Variants in PPP2R2D observed in about 807,000 individuals in gnomAD.
PPP2R2D encodes the protein protein phosphatase 2 regulatory subunit Bdelta, also known as serine/threonine-protein phosphatase 2A 55 kDa regulatory subunit B delta isoform.
In PPP2R2D, 9 loss-of-function variants were observed where a neutral mutation model predicts 31.1. The observed-to-expected ratio is 0.29, with a 90% CI of 0.17 to 0.51. PPP2R2D has a LOEUF of 0.51. Among genes scored for constraint, PPP2R2D ranks in the 20% least tolerant of loss-of-function variants. PPP2R2D has a pLI of 0.98. For synonymous variants in PPP2R2D, 179 were observed against 172.6 expected, an observed-to-expected ratio of 1.04 and a Z score of -0.29; for missense variants, 391 against 465.6, an observed-to-expected ratio of 0.84 and a Z score of 1.48.
intron 2 of PPP2R2D, 136 bp downstream of exon 2, chr10:131,901,466 C>G (rs1290802020): frequency 3.1e-6 from 1 of 319,688 alleles, no homozygotes; most frequent in African/African-American, 2.2e-5. Flanking sequence ...GGCCAGGGGC[C>G]GAGCTGGGGG....
chr10:131,927,108 T>C (rs1554895045), intron 2 of PPP2R2D, among the ~76,000 whole-genome samples: 1 of 152,184 alleles, frequency 6.6e-6, no homozygotes, highest in Admixed American at 6.5e-5. Flanking sequence ...AGATTATGGC[T>C]GTTCTCTTTT....
chr10:131,902,076 C>T (rs1422436400), intron 2 of PPP2R2D, among the ~76,000 whole-genome samples: 4 of 152,086 alleles, frequency 2.6e-5, no homozygotes, highest in Non-Finnish European at 5.9e-5. Flanking sequence ...GCCTCCCACC[C>T]CAGCTTCCCA....
chr10:131,946,579 G>C (rs999492810), intron 7 of PPP2R2D, among the ~76,000 whole-genome samples: 2 of 152,228 alleles, frequency 1.3e-5, no homozygotes, highest in African/African-American at 2.4e-5. Context: ...GTGTTTCGTA[G>C]CATTTGGCCT....
In PPP2R2D at chr10:131,901,313, ACGAGGACGTGGC is replaced by A; in HGVS notation, c.87_98del (p.Asp30_Glu33del). 1 of 358,436 alleles carries A rather than the reference ACGAGGACGTGGC, an allele frequency of 2.8e-6. No individual in the cohort carries two copies. The highest frequency in any genetic ancestry group is 5.0e-6 in the Non-Finnish European group (1 of 200,300). The allele number at this position is 358,436 out of a possible 1,614,324, so 22.2% of individuals were successfully genotyped here. The stretch of plus-strand genomic sequence containing the variant: ...TTCTCGCAGGTCAAGGGGGCCATCG[ACGAGGACGTGGC>A]CGAAGGTGAGCCCCGCGCCGCGCCC... On this transcript the variant is annotated inframe_deletion, in exon 2 of 9. Coordinates refer to ENST00000455566, the MANE Select transcript of PPP2R2D (RefSeq NM_018461.5).
chr10:131,955,334 A>G (rs964039479), intron 8 of PPP2R2D, among the ~76,000 whole-genome samples: 9 of 152,216 alleles, frequency 5.9e-5, no homozygotes, highest in African/African-American at 9.7e-5. Flanking sequence ...GTCATTATGG[A>G]TCATTGACAA....
chr10:131,956,587 G>C lies in PPP2R2D; in HGVS notation c.*624G>C. On this transcript the variant is annotated 3_prime_UTR_variant, in exon 9 of 9. Transcript: ENST00000455566. ...TCTTTTTATTTAATTTTATTGCATA[G>C]AATGAAGTTATGCAGGGTTCTTCTT... is the stretch of plus-strand genomic sequence containing the variant. The C allele has an allele frequency of 6.1e-6, 6 of 977,232 alleles. No individual in the cohort carries two copies. Among genetic ancestry groups the C allele is most frequent in the Non-Finnish European group, 7.3e-6 (6 of 822,454 alleles). 60.5% of individuals were successfully genotyped at this position (977,232 alleles called of 1,614,324 possible).
chr10:131,947,735 C>T lies in PPP2R2D; in HGVS notation c.1026C>T (p.Leu342=), dbSNP rs782274738. The T allele has an allele frequency of 1.2e-6, 2 of 1,614,200 alleles. No individual in the cohort carries two copies. Among genetic ancestry groups the T allele is most frequent in the South Asian group, 1.1e-5 (1 of 91,068 alleles). The change falls in exon 8 of 9, where the codon CTC becomes CTT. Residue 342 remains leucine, a synonymous_variant. Coordinates refer to ENST00000455566, the MANE Select transcript of PPP2R2D (RefSeq NM_018461.5). The surrounding 1 kb of genome is among the most constrained non-coding windows in gnomAD (Gnocchi z 4.3). ...HEYLRSKLCS[L]YENDCIFDKF... ...ACCTGCGCAGCAAGCTCTGCTCTCT[C>T]TATGAGAACGACTGCATCTTTGACA...
At chr10:131,960,220 G>GT (rs1474405338), downstream of PPP2R2D, among the ~76,000 whole-genome samples, 2 of 152,146 alleles carry the variant, frequency 1.3e-5, no homozygotes, top group African/African-American at 4.8e-5. Context: ...GGAGGAAGAC[G>GT]TGCCCTCAAC....
At chr10:131,924,846 G>T (rs568097507) in intron 2 of PPP2R2D, among the ~76,000 whole-genome samples, 2 of 150,830 alleles carry the variant, frequency 1.3e-5, no homozygotes, top group Non-Finnish European at 2.9e-5. Flanking sequence ...ACAATATTTT[G>T]CAGTTTTCAA....
chr10:131,939,528 A>G lies in PPP2R2D; in HGVS notation c.199-503A>G, dbSNP rs368689837. Among the ~76,000 whole-genome samples the G allele has an allele frequency of 4.5e-4, 57 of 126,438 alleles. 2 individuals are homozygous for G. In the East Asian group the frequency reaches 0.011, roughly 24 times the overall value. The allele number at this position is 126,438 out of a possible 152,430, so 82.9% of individuals were successfully genotyped here. ...TGCTCCAGAAAACACGGCAGGCTGC[A>G]TTCGGCAGACCTGCTCCAGAAAATA... On this transcript the variant is annotated intron_variant, in intron 3 of 8. Coordinates refer to ENST00000455566, the MANE Select transcript of PPP2R2D (RefSeq NM_018461.5).
Position 131,945,472 on chromosome 10 carries a change from G to A in PPP2R2D, c.820+13G>A, listed in dbSNP as rs781939093. 1.3e-6 allele frequency: 2 copies of A among 1,592,858 alleles called. No individual in the cohort carries two copies. The highest frequency in any genetic ancestry group is 1.7e-6 in the Non-Finnish European group (2 of 1,165,666). On this transcript the variant is annotated intron_variant, in intron 7 of 8. Transcript: ENST00000455566. This position sits in a 1 kb window ranked among gnomAD's most constrained non-coding sequence, Gnocchi z 4.8. The stretch of plus-strand genomic sequence containing the variant: ...AGACACTCCAAGTGTAAGTGCGTCT[G>A]TTGTTGAGATGGAGTCTGGCTCTGT...
chr10:131,938,154 G>A (rs1342604916), intron 3 of PPP2R2D, among the ~76,000 whole-genome samples: 1 of 152,190 alleles, frequency 6.6e-6, no homozygotes, highest in African/African-American at 2.4e-5. Context: ...CCTGCACATT[G>A]GACTCTGCAG....
intron 3 of PPP2R2D, 33 bp downstream of exon 3, chr10:131,934,588 A>C: frequency 1.3e-6 from 1 of 767,486 alleles, no homozygotes; most frequent in Non-Finnish European, 2.4e-6. Context: ...ATCAAATGCA[A>C]TTATTCAACC....
At chr10:131,901,476 G>C (rs1419208174) in intron 2 of PPP2R2D, 146 bp downstream of exon 2, 3 of 320,868 alleles carry the variant, frequency 9.3e-6, no homozygotes, top group Non-Finnish European at 1.1e-5. Flanking sequence ...CGAGCTGGGG[G>C]CCGTGATCGG....
In PPP2R2D at chr10:131,940,159, A is replaced by G. The variant is rs574470580; in HGVS notation, c.327A>G (p.Pro109=). The G allele has an allele frequency of 1.3e-6, 1 of 772,292 alleles. No homozygotes were observed. The highest frequency in any genetic ancestry group is 1.8e-5 in the Admixed American group (1 of 56,688). The allele number at this position is 772,292 out of a possible 1,614,324, so 47.8% of individuals were successfully genotyped here. A position where few individuals can be genotyped will look rare whatever the true frequency, so the allele number is the denominator to read the frequency against. ...AAATTAATAAAATTAGGTGGTTACC[A>G]CAACAGAATGCTGCTCATTTTCTAC... ...EEKINKIRWL[P]QQNAAHFLLS... Residue 109 remains proline, a synonymous_variant, in exon 4 of 9, where the codon CCA becomes CCG. Transcript: ENST00000455566.
chr10:131,927,457 G>T (rs1220395486), intron 2 of PPP2R2D, among the ~76,000 whole-genome samples: 3 of 152,186 alleles, frequency 2.0e-5, no homozygotes, highest in Admixed American at 2.0e-4. Context: ...GAGCTTGGCG[G>T]CGGTGAGAGT....
At chr10:131,961,033 G>A (rs113505162), downstream of PPP2R2D, among the ~76,000 whole-genome samples, 227 of 152,256 alleles carry the variant, frequency 1.5e-3, no homozygotes, top group South Asian at 8.7e-3. Flanking sequence ...GGAGAGGGAC[G>A]GAAGCTGTCC....
At chr10:131,954,039 G>A (rs116351545) in intron 8 of PPP2R2D, among the ~76,000 whole-genome samples, 1,991 of 152,256 alleles carry the variant, frequency 0.013, 14 homozygotes, top group Middle Eastern at 0.031. Context: ...CTGATTCTCC[G>A]TGTGGCAGCG....
intron 2 of PPP2R2D, among the ~76,000 whole-genome samples, chr10:131,904,277 C>T (rs1186872666): frequency 3.4e-4 from 51 of 149,822 alleles, no homozygotes; most frequent in Non-Finnish European, 5.3e-4. Context: ...TTTGGGAGGC[C>T]GAGGCAGGCA....
Sources: gnomAD v4.1 joint callset for allele counts (sites outside exome capture counted in the v4.1 genomes callset) on GRCh38, gnomAD v4.1.1 for gene constraint, Gnocchi (gnomAD v3.1) non-coding constraint, MANE v1.5 for transcripts, NCBI Gene and HGNC (gene_info 2026-07-23, HGNC 2026-07-21) for gene names.